NLRP3: variants seen among roughly 807,000 people sequenced by gnomAD.
The protein encoded by NLRP3 is NACHT, LRR and PYD domains-containing protein 3.
In NLRP3, 48 loss-of-function variants were observed where a neutral mutation model predicts 91.3. The ratio of observed to expected loss-of-function variants is 0.53; its 90% CI spans 0.42 to 0.67. NLRP3 has a LOEUF of 0.67. Among genes scored for constraint, NLRP3 ranks in the 30% least tolerant of loss-of-function variants. NLRP3 has a pLI of 0.00. For missense variants in NLRP3, 982 were observed against 1,276.9 expected (o/e 0.77, Z 3.52); for synonymous variants, 561 against 507.9 (o/e 1.10, Z -1.41).
intron 1 of NLRP3, among the ~76,000 whole-genome samples, chr1:247,416,702 G>A (rs1411639581): frequency 7.9e-6 from 1 of 126,350 alleles, no homozygotes; most frequent in Non-Finnish European, 1.7e-5. Flanking sequence ...AGGGTATGCG[G>A]AGCTAATAGG....
intron 7 of NLRP3, among the ~76,000 whole-genome samples, chr1:247,443,749 C>T (rs1202564880): frequency 6.6e-6 from 1 of 152,110 alleles, no homozygotes; most frequent in East Asian, 1.9e-4. Context: ...CTCTTTCTGT[C>T]GGACTCATAC....
At chr1:247,444,580 G>C in intron 8 of NLRP3, 71 bp from the exon 9 acceptor site, 1 of 1,529,824 alleles carries the variant, frequency 6.5e-7, no homozygotes, top group Admixed American at 1.7e-5. Flanking sequence ...GACAGGCTAA[G>C]ATGCTAAAAT....
intron 7 of NLRP3, among the ~76,000 whole-genome samples, chr1:247,440,362 C>T (rs991690648): frequency 1.3e-5 from 2 of 152,136 alleles, no homozygotes; most frequent in South Asian, 2.1e-4. Flanking sequence ...AGTGAGTAAA[C>T]GGGGGACGGT....
chr1:247,446,122 GTC>G (rs1228930071), intron 9 of NLRP3, among the ~76,000 whole-genome samples: 2 of 152,126 alleles, frequency 1.3e-5, no homozygotes, highest in Non-Finnish European at 2.9e-5. Flanking sequence ...TGTCGTCACT[GTC>G]TCTTTTTCCT....
intron 9 of NLRP3, among the ~76,000 whole-genome samples, chr1:247,446,446 G>A (rs2103248855): frequency 6.6e-6 from 1 of 152,266 alleles, no homozygotes; most frequent in Admixed American, 6.5e-5. Flanking sequence ...AGCCTCTCCT[G>A]CTTCCGAAGA....
chr1:247,436,155 G>T lies in NLRP3; in HGVS notation c.2663+15G>T, dbSNP rs755399806. 6.2e-7 allele frequency: 1 copy of T among 1,613,458 alleles called. No homozygotes were observed. The highest frequency in any genetic ancestry group is 8.5e-7 in the Non-Finnish European group (1 of 1,179,434). ...CAGAAACTGGGGTAAGTCTTCATGGGTGTCTTACCAGAAAAGTAACTTCTT... is the reference window on the plus strand; with the variant it reads ...CAGAAACTGGGGTAAGTCTTCATGGTTGTCTTACCAGAAAAGTAACTTCTT... On this transcript the variant is annotated intron_variant, in intron 7 of 9. Coordinates refer to ENST00000336119, the MANE Select transcript of NLRP3 (RefSeq NM_001243133.2).
chr1:247,435,218 C>G (rs1200579170), intron 6 of NLRP3, among the ~76,000 whole-genome samples: 1 of 152,026 alleles, frequency 6.6e-6, no homozygotes, highest in Non-Finnish European at 1.5e-5. Context: ...TCACTGTACT[C>G]CCGCCTGGGT....
chr1:247,435,394 A>C (rs1296737033), intron 6 of NLRP3, among the ~76,000 whole-genome samples: 2 of 152,232 alleles, frequency 1.3e-5, no homozygotes, highest in Admixed American at 6.5e-5. Context: ...ATTCAGCTTT[A>C]AAAAGAATTC....
intron 5 of NLRP3, among the ~76,000 whole-genome samples, chr1:247,431,944 G>C (rs1265984101): frequency 6.6e-6 from 1 of 152,134 alleles, no homozygotes; most frequent in Non-Finnish European, 1.5e-5. Context: ...TGTTGCCCAG[G>C]CTGGAGTACA....
At chr1:247,442,212 A>C (rs1334428176) in intron 7 of NLRP3, among the ~76,000 whole-genome samples, 1 of 152,190 alleles carries the variant, frequency 6.6e-6, no homozygotes, top group African/African-American at 2.4e-5. Flanking sequence ...AAACCAGTGG[A>C]TGGATAATCA....
chr1:247,445,084 T>C (rs1329315010), intron 9 of NLRP3, among the ~76,000 whole-genome samples: 1 of 152,220 alleles, frequency 6.6e-6, no homozygotes, highest in African/African-American at 2.4e-5. Context: ...CATGCGATCA[T>C]GGCCAAGGAG....
chr1:247,419,538 A>C (rs1662312670), intron 2 of NLRP3, among the ~76,000 whole-genome samples: 1 of 152,206 alleles, frequency 6.6e-6, no homozygotes. Flanking sequence ...TTCATCTTGC[A>C]AAACTGAAAC....
At position 247,418,363 on chromosome 1, in the gene NLRP3, G is replaced by A. The variant is rs201001049; in HGVS notation, c.-438G>A. 9 of 268,114 alleles carry A rather than the reference G, an allele frequency of 3.4e-5. No individual in the cohort carries two copies. Among genetic ancestry groups the A allele is most frequent in the Middle Eastern group, 1.4e-3 (1 of 730 alleles). The allele number at this position is 268,114 out of a possible 1,614,324, so 16.6% of individuals were successfully genotyped here. ...GTCGCCTAGGCTGGAGTGCAGTGGCGTGATCTTGGCTCACTGCAGCCTCCA... is the reference window on the plus strand; with the variant it reads ...GTCGCCTAGGCTGGAGTGCAGTGGCATGATCTTGGCTCACTGCAGCCTCCA... On this transcript the variant is annotated 5_prime_UTR_variant, in exon 2 of 10. In the 5' UTR this introduces an upstream ATG that the reference lacks. Coordinates refer to ENST00000336119, the MANE Select transcript of NLRP3 (RefSeq NM_001243133.2).
chr1:247,436,288 G>A (rs1313700545), intron 7 of NLRP3, 148 bp downstream of exon 7: 1 of 726,902 alleles, frequency 1.4e-6, no homozygotes, highest in Non-Finnish European at 2.4e-6. Flanking sequence ...AAGGACTGGA[G>A]GCATATAATG....
Position 247,444,837 on chromosome 1 carries a change from A to G in NLRP3, c.3005+16A>G. 3 of 1,613,110 alleles carry G rather than the reference A, an allele frequency of 1.9e-6. No homozygotes were observed. Among genetic ancestry groups the G allele is most frequent in the Non-Finnish European group, 2.5e-6 (3 of 1,179,724 alleles). Reference sequence around the variant, plus strand: ...AGAACCTGGGGTGAGTGTGCTCTGCAGAGATGCCCGTGGTGGGACTCTGAG... The same window carrying G: ...AGAACCTGGGGTGAGTGTGCTCTGCGGAGATGCCCGTGGTGGGACTCTGAG... On this transcript the variant is annotated intron_variant, in intron 9 of 9. Coordinates refer to ENST00000336119, the MANE Select transcript of NLRP3 (RefSeq NM_001243133.2).
rs567212179 is a variant in NLRP3, at chr1:247,418,807, A to G, written c.7A>G (p.Ser3Gly). MA[S>G]TRCKLARYLE... is the part of the protein sequence containing the mutation. ...AAAACAGCTGCAGATGAAGATGGCAAGCACCCGCTGCAAGCTGGCCAGGTA... is the reference window on the plus strand; with the variant it reads ...AAAACAGCTGCAGATGAAGATGGCAGGCACCCGCTGCAAGCTGGCCAGGTA... Residue 3 changes from serine (S) to glycine (G), a missense_variant, in exon 2 of 10, where the codon AGC (serine) becomes GGC (glycine). Ser to Gly is a moderately conservative substitution (Grantham distance 56). Around this residue, in one of 5 missense-constraint regions of NLRP3, gnomAD observed 548 missense variants for 713.7 expected, o/e 0.77. Coordinates refer to ENST00000336119, the MANE Select transcript of NLRP3 (RefSeq NM_001243133.2). 6.2e-7 allele frequency: 1 copy of G among 1,613,896 alleles called. No homozygotes were observed. The highest frequency in any genetic ancestry group is 2.2e-5 in the East Asian group (1 of 44,872).
chr1:247,429,039 C>G (rs561810902), intron 4 of NLRP3, among the ~76,000 whole-genome samples: 1 of 151,954 alleles, frequency 6.6e-6, no homozygotes, highest in Non-Finnish European at 1.5e-5. Context: ...ATGACAGGCT[C>G]GTGCCACCAC....
At chr1:247,435,836 T>A in intron 6 of NLRP3, 134 bp from the exon 7 acceptor site, 1 of 805,756 alleles carries the variant, frequency 1.2e-6, no homozygotes, top group Non-Finnish European at 2.1e-6. Flanking sequence ...AAATCAGAAG[T>A]GTACATAGAG....
At chr1:247,422,314 G>A (rs1467982512) in intron 2 of NLRP3, among the ~76,000 whole-genome samples, 1 of 151,750 alleles carries the variant, frequency 6.6e-6, no homozygotes, top group Admixed American at 6.6e-5. Flanking sequence ...AGGAGGTTGA[G>A]GCTGCAGGGA....
Sources: gnomAD v4.1 joint callset for allele counts (sites outside exome capture counted in the v4.1 genomes callset) on GRCh38, gnomAD v4.1.1 for gene constraint, gnomAD v4.1.1 regional missense constraint, MANE v1.5 for transcripts, NCBI Gene and HGNC (gene_info 2026-07-23, HGNC 2026-07-21) for gene names.